Variants in ANTXRL observed in about 807,000 individuals in gnomAD.
ANTXRL encodes anthrax toxin receptor-like.
ANTXRL carries 63 observed loss-of-function variants against 75.4 expected under a neutral mutation model. The ratio of observed to expected loss-of-function variants is 0.84; its 90% CI spans 0.68 to 1.03. The LOEUF is 1.03. Among genes scored for constraint, ANTXRL ranks in the 50% least tolerant of loss-of-function variants. The pLI is 0.00. For synonymous variants in ANTXRL, 335 were observed against 291.3 expected (o/e 1.15, Z -1.53); for missense variants, 797 against 789.4 (o/e 1.01, Z -0.12).
At chr10:46,287,640 C>G in intron 1 of ANTXRL, 130 bp downstream of exon 1, 1 of 1,260,738 alleles carries the variant, frequency 7.9e-7, no homozygotes, top group Non-Finnish European at 1.1e-6. Context: ...TTTGGTCAGA[C>G]CAGACCTAGG....
At chr10:46,291,005 A>C (rs1554956295) in intron 1 of ANTXRL, among the ~76,000 whole-genome samples, 2 of 152,186 alleles carry the variant, frequency 1.3e-5, no homozygotes. Context: ...TATCCAAAAA[A>C]ATCCCCAAAT....
chr10:46,325,529 C>G (rs371132563), intron 16 of ANTXRL, among the ~76,000 whole-genome samples: 2 of 152,116 alleles, frequency 1.3e-5, no homozygotes, highest in East Asian at 1.9e-4. Context: ...ACTTTCCATC[C>G]TGGCTTATGG....
intron 16 of ANTXRL, among the ~76,000 whole-genome samples, chr10:46,321,181 A>G (rs1365088355): frequency 3.3e-5 from 5 of 152,300 alleles, no homozygotes; most frequent in East Asian, 3.9e-4. Context: ...CACAAACCCA[A>G]TTGCTCGGGT....
chr10:46,311,604 G>A lies in ANTXRL; in HGVS notation c.1268G>A (p.Cys423Tyr). ...CCGCCCCCAGCTCCTGTAAACACCT[G>A]CCCCACTGTGATTATTTGTTGCTGT... Reference protein sequence around the residue: ...PPPPPAPVNTCPTVIICCCGC... With the variant: ...PPPPPAPVNTYPTVIICCCGC... Residue 423 changes from cysteine (C) to tyrosine (Y), a missense_variant, in exon 15 of 17, where the codon TGC (cysteine) becomes TAC (tyrosine). By Grantham distance (194) the Cys-to-Tyr change is radical. Around this residue, in one of 3 missense-constraint regions of ANTXRL, gnomAD observed 479 missense variants for 422.0 expected, o/e 1.14. Transcript: ENST00000620264. The A allele has an allele frequency of 1.4e-6, 2 of 1,413,162 alleles. No homozygotes were observed. The highest frequency in any genetic ancestry group is 1.9e-6 in the Non-Finnish European group (2 of 1,034,652). 87.5% of individuals were successfully genotyped at this position (1,413,162 alleles called of 1,614,324 possible). A position where few individuals can be genotyped will look rare whatever the true frequency, so the allele number is the denominator to read the frequency against.
intron 5 of ANTXRL, 94 bp from the exon 6 acceptor site, chr10:46,297,158 C>A: frequency 9.6e-7 from 1 of 1,044,490 alleles, no homozygotes; most frequent in Non-Finnish European, 1.4e-6. Context: ...GAGTGGGCAG[C>A]GCTGTGGGCC....
intron 16 of ANTXRL, among the ~76,000 whole-genome samples, chr10:46,327,367 G>C (rs1565058904): frequency 6.6e-6 from 1 of 152,090 alleles, no homozygotes; most frequent in Non-Finnish European, 1.5e-5. Context: ...GGGATGGGTG[G>C]AGTCAGGGAG....
intron 15 of ANTXRL, among the ~76,000 whole-genome samples, chr10:46,312,089 A>C (rs1185471699): frequency 6.8e-6 from 1 of 146,944 alleles, no homozygotes; most frequent in East Asian, 2.0e-4. Flanking sequence ...AAAAATAGAA[A>C]TGACCAGTCC....
chr10:46,293,556 A>ATGCCT (rs1554957484), intron 2 of ANTXRL, among the ~76,000 whole-genome samples: 1 of 144,314 alleles, frequency 6.9e-6, no homozygotes, highest in African/African-American at 2.6e-5. Context: ...TATGTGTGTG[A>ATGCCT]GTGTGTGCCT....
intron 2 of ANTXRL, 72 bp from the exon 3 acceptor site, chr10:46,293,757 G>A (rs1340465856): frequency 2.1e-4 from 268 of 1,260,918 alleles, no homozygotes; most frequent in Non-Finnish European, 2.9e-4. Flanking sequence ...TGGGAGGTGG[G>A]GAATTGGCCT....
At chr10:46,308,134 GC>G (rs1838202753) in intron 12 of ANTXRL, among the ~76,000 whole-genome samples, 1 of 152,134 alleles carries the variant, frequency 6.6e-6, no homozygotes, top group Non-Finnish European at 1.5e-5. Flanking sequence ...CCACTCCACT[GC>G]CTTGTACCCA....
intron 15 of ANTXRL, among the ~76,000 whole-genome samples, chr10:46,312,557 G>A (rs1224595173): frequency 1.4e-5 from 2 of 146,090 alleles, no homozygotes; most frequent in African/African-American, 5.0e-5. Context: ...AGGCTCCTCT[G>A]CAGCCTCAGT....
chr10:46,313,156 T>G, intron 15 of ANTXRL, 80 bp from the exon 16 acceptor site: 3 of 1,243,228 alleles, frequency 2.4e-6, no homozygotes, highest in South Asian at 1.3e-5. Context: ...CACAGAGCTG[T>G]GGGGGGCTGG....
At chr10:46,314,417 A>C (rs1554964300) in intron 16 of ANTXRL, among the ~76,000 whole-genome samples, 1 of 152,062 alleles carries the variant, frequency 6.6e-6, no homozygotes, top group African/African-American at 2.4e-5. Flanking sequence ...GCACTAGTCC[A>C]GCCTTATGCA....
rs183252876 is a variant in ANTXRL, at chr10:46,324,191, A to G, written c.1411-5408A>G. On this transcript the variant is annotated intron_variant, in intron 16 of 16. Transcript: ENST00000620264. ...TAACAGGTAATCTACATACTGAGTAACAGTAGAATGTCCAGAAGACTGTAG... is the reference window on the plus strand; with the variant it reads ...TAACAGGTAATCTACATACTGAGTAGCAGTAGAATGTCCAGAAGACTGTAG... 2.0e-5 allele frequency among the ~76,000 whole-genome samples: 3 copies of G among 152,286 alleles called. No homozygotes were observed. In the East Asian group the frequency reaches 5.8e-4, roughly 29 times the overall value.
rs1235359853 is a variant in ANTXRL at position 46,293,518 on chromosome 10, TGTGC to T, written c.321-310_321-307del. ...TGTGGTGTGTGCACCTGTGTGTGTG[TGTGC>T]CTCTGTGTGTGCATGTGTGTGCATA... On this transcript the variant is annotated intron_variant, in intron 2 of 16. Transcript: ENST00000620264. Among the ~76,000 whole-genome samples, 116 of 116,328 alleles carry T rather than the reference TGTGC, an allele frequency of 1.0e-3. 1 individual carries two copies. Among genetic ancestry groups the T allele is most frequent in the Non-Finnish European group, 1.1e-3 (55 of 51,098 alleles). 76.3% of individuals were successfully genotyped at this position (116,328 alleles called of 152,430 possible).
At chr10:46,297,959 A>C in intron 8 of ANTXRL, 43 bp from the exon 9 acceptor site, 3 of 1,535,626 alleles carry the variant, frequency 2.0e-6, no homozygotes, top group Non-Finnish European at 2.6e-6. Flanking sequence ...CTTTGGCAGG[A>C]AGCTCACTCT....
chr10:46,290,322 G>A lies in ANTXRL; in HGVS notation c.249-1736G>A, dbSNP rs188281390. Among the ~76,000 whole-genome samples, 482 of 152,262 alleles carry A rather than the reference G, an allele frequency of 3.2e-3. 3 individuals carry two copies. The highest frequency in any genetic ancestry group is 0.011 in the African/African-American group (460 of 41,548). Reference sequence around the variant, plus strand: ...CTTCCAAAGCGCTGGGATTCCAAGCGTGAGCCACCTCGCCCGGCCTGTTTA... The same window carrying A: ...CTTCCAAAGCGCTGGGATTCCAAGCATGAGCCACCTCGCCCGGCCTGTTTA... On this transcript the variant is annotated intron_variant, in intron 1 of 16. Coordinates refer to ENST00000620264, the MANE Select transcript of ANTXRL (RefSeq NM_001278688.3).
In ANTXRL at chr10:46,329,194, A is replaced by G. The variant is rs114700454; in HGVS notation, c.1411-405A>G. Among the ~76,000 whole-genome samples the G allele has an allele frequency of 9.9e-3, 1,499 of 152,128 alleles. 35 individuals are homozygous for G. The highest frequency in any genetic ancestry group is 0.032 in the African/African-American group (1,339 of 41,482). Reference sequence around the variant, plus strand: ...CTGCTGCCTTCTCAGCTCATCACCCACCCAAGGGTCCCTGGAGCCAGCCTT... The same window carrying G: ...CTGCTGCCTTCTCAGCTCATCACCCGCCCAAGGGTCCCTGGAGCCAGCCTT... On this transcript the variant is annotated intron_variant, in intron 16 of 16. Transcript: ENST00000620264.
rs375303420 is a variant in ANTXRL, at chr10:46,296,118, TCCTAACCCTAAC to T, written c.474+38_474+49del. The stretch of plus-strand genomic sequence containing the variant: ...TTAGAAAGGTATAGACCCCTTGATC[TCCTAACCCTAAC>T]CCTAACCCTAACCCTAACCTACAAA... On this transcript the variant is annotated intron_variant, in intron 4 of 16. Transcript: ENST00000620264. The T allele has an allele frequency of 2.3e-5, 36 of 1,535,244 alleles. No individual in the cohort carries two copies. The highest frequency in any genetic ancestry group is 1.7e-4 in the Middle Eastern group (1 of 6,004).
Sources: allele counts gnomAD v4.1 joint callset (sites outside exome capture counted in the v4.1 genomes callset), GRCh38; gene constraint gnomAD v4.1.1; regional missense constraint gnomAD v4.1.1; transcripts MANE v1.5; gene names NCBI Gene and HGNC (gene_info 2026-07-23, HGNC 2026-07-21).